COL23A1: variants seen among roughly 807,000 people sequenced by gnomAD.
The protein encoded by COL23A1 is collagen type XXIII alpha 1 chain, also known as collagen alpha-1(XXIII) chain.
In COL23A1, 97 loss-of-function variants were observed where a neutral mutation model predicts 99.3. The observed-to-expected ratio is 0.98, with a 90% CI of 0.83 to 1.16. The LOEUF (loss-of-function observed/expected upper bound fraction) is 1.16. COL23A1 is among the 50% of genes most tolerant of loss of function. COL23A1 has a pLI of 0.00. For missense variants in COL23A1, 762 were observed against 757.4 expected (o/e 1.01, Z -0.07); for synonymous variants, 320 against 308.2 (o/e 1.04, Z -0.40).
At chr5:178,252,082 T>G (rs1324051269) in intron 17 of COL23A1, among the ~76,000 whole-genome samples, 1 of 151,782 alleles carries the variant, frequency 6.6e-6, no homozygotes, top group Non-Finnish European at 1.5e-5. Context: ...CCCGGCTAAT[T>G]TTTTGTATTT....
intron 2 of COL23A1, among the ~76,000 whole-genome samples, chr5:178,381,139 C>T (rs1354946183): frequency 6.6e-6 from 1 of 152,332 alleles, no homozygotes; most frequent in South Asian, 2.1e-4. Context: ...CACTCCCTGC[C>T]CCTCACTCAT....
chr5:178,560,784 G>A (rs1394717351), intron 1 of COL23A1, 36 bp from the exon 2 acceptor site: 2 of 1,578,664 alleles, frequency 1.3e-6, no homozygotes, highest in African/African-American at 1.4e-5. Context: ...AAAACGAGGA[G>A]AGAATGAGTT....
chr5:178,394,974 G>A (rs561112852), intron 2 of COL23A1, among the ~76,000 whole-genome samples: 31 of 14,180 alleles, frequency 2.2e-3, no homozygotes, highest in Middle Eastern at 0.031. Context: ...GCTTGGTTCC[G>A]GCCCCGGCCG....
rs541833152 is a variant in COL23A1, at chr5:178,486,256, G to A, written c.361+74426C>T. Among the ~76,000 whole-genome samples, 162 of 152,310 alleles carry A rather than the reference G, an allele frequency of 1.1e-3. 1 individual carries two copies. Among genetic ancestry groups the A allele is most frequent in the African/African-American group, 3.7e-3 (154 of 41,560 alleles). The stretch of plus-strand genomic sequence containing the variant: ...ATTCAGGCAGCTGCAGAATGAGGAC[G>A]GTTGTCAGTGGGTGACGTGTTCAAG... On this transcript the variant is annotated intron_variant, in intron 2 of 28. Transcript: ENST00000390654.
At chr5:178,299,985 C>A (rs1757944205) in intron 3 of COL23A1, among the ~76,000 whole-genome samples, 1 of 152,052 alleles carries the variant, frequency 6.6e-6, no homozygotes, top group African/African-American at 2.4e-5. Context: ...AACTCCTGAC[C>A]TCAGATGATC....
intron 2 of COL23A1, among the ~76,000 whole-genome samples, chr5:178,448,182 G>A (rs1021316843): frequency 2.3e-4 from 28 of 123,970 alleles, no homozygotes; most frequent in African/African-American, 6.6e-4. Flanking sequence ...AGTCCGTTTT[G>A]TTCTGTTAGT....
At chr5:178,581,481 G>A (rs1243763458) in intron 1 of COL23A1, among the ~76,000 whole-genome samples, 4 of 151,270 alleles carry the variant, frequency 2.6e-5, no homozygotes, top group South Asian at 2.1e-4. Flanking sequence ...CAGGAGAATC[G>A]CTTGAACCCG....
At chr5:178,241,329 A>T (rs996134110) in intron 27 of COL23A1, among the ~76,000 whole-genome samples, 3 of 152,086 alleles carry the variant, frequency 2.0e-5, no homozygotes, top group African/African-American at 4.8e-5. Flanking sequence ...GAGCACAGAA[A>T]GAGGTACAGG....
At chr5:178,581,730 A>G (rs117428957) in intron 1 of COL23A1, among the ~76,000 whole-genome samples, 1 of 152,268 alleles carries the variant, frequency 6.6e-6, no homozygotes, top group East Asian at 1.9e-4. Context: ...GGTGTATGCC[A>G]CGTTGATAGT....
chr5:178,524,397 A>G (rs890033856), intron 2 of COL23A1, among the ~76,000 whole-genome samples: 4 of 152,324 alleles, frequency 2.6e-5, no homozygotes, highest in Admixed American at 6.5e-5. Context: ...ACTGGGTCAC[A>G]TGGGTATCAG....
chr5:178,455,611 C>G (rs1484545853), intron 2 of COL23A1, among the ~76,000 whole-genome samples: 2 of 152,252 alleles, frequency 1.3e-5, no homozygotes, highest in Non-Finnish European at 2.9e-5. Context: ...TCAGCCTCCA[C>G]ATCCAGGCAT....
In COL23A1 at chr5:178,384,399, G is replaced by A. The variant is rs928970951; in HGVS notation, c.362-77480C>T. Among the ~76,000 whole-genome samples the A allele has an allele frequency of 2.6e-5, 4 of 152,228 alleles. No homozygotes were observed. The highest frequency in any genetic ancestry group is 6.5e-5 in the Admixed American group (1 of 15,288). On this transcript the variant is annotated intron_variant, in intron 2 of 28. Coordinates refer to ENST00000390654, the MANE Select transcript of COL23A1 (RefSeq NM_173465.4). This position sits in a 1 kb window ranked among gnomAD's most constrained non-coding sequence, Gnocchi z 5.5. ...ATGAGGTGAAGCCTCAGGAAAGCCC[G>A]GGGCTGTTCATCCGGGTAGTAAACC...
intron 2 of COL23A1, among the ~76,000 whole-genome samples, chr5:178,493,782 C>T (rs1758057952): frequency 6.6e-6 from 1 of 152,238 alleles, no homozygotes; most frequent in Admixed American, 6.5e-5. Flanking sequence ...GCTGCCGAAC[C>T]CCTCGGGGAC....
rs563273410 is a variant in COL23A1, at chr5:178,290,486, A to G, written c.407-117T>C. The G allele has an allele frequency of 1.4e-4, 188 of 1,328,110 alleles. 4 individuals carry two copies. In the South Asian group the frequency reaches 2.2e-3, roughly 15 times the overall value. The allele number at this position is 1,328,110 out of a possible 1,614,324, so 82.3% of individuals were successfully genotyped here. On this transcript the variant is annotated intron_variant, in intron 3 of 28. Coordinates refer to ENST00000390654, the MANE Select transcript of COL23A1 (RefSeq NM_173465.4). ...CGGCTCCTGGCCACCTCTCCCCGGA[A>G]GGCTTTGATGCTGCCATGGCTGTTT...
Position 178,344,392 on chromosome 5 carries a change from C to T in COL23A1, c.362-37473G>A, listed in dbSNP as rs190056842. On this transcript the variant is annotated intron_variant, in intron 2 of 28. Coordinates refer to ENST00000390654, the MANE Select transcript of COL23A1 (RefSeq NM_173465.4). Reference sequence around the variant, plus strand: ...TGGCTCACGCCTGTAATCCCAGCACCTTGGGAGACCAAGGTGGGTGGATCA... The same window carrying T: ...TGGCTCACGCCTGTAATCCCAGCACTTTGGGAGACCAAGGTGGGTGGATCA... Among the ~76,000 whole-genome samples the T allele has an allele frequency of 9.2e-3, 1,397 of 152,102 alleles. 21 individuals carry two copies. The highest frequency in any genetic ancestry group is 0.031 in the African/African-American group (1,289 of 41,524).
chr5:178,338,589 C>A (rs921052299), intron 2 of COL23A1, among the ~76,000 whole-genome samples: 5 of 119,282 alleles, frequency 4.2e-5, no homozygotes, highest in Non-Finnish European at 9.4e-5. Flanking sequence ...GGGTCACTGG[C>A]CAGCACCGGG....
chr5:178,315,755 GCACT>G (rs1427324451), intron 2 of COL23A1, among the ~76,000 whole-genome samples: 1 of 140,236 alleles, frequency 7.1e-6, no homozygotes, highest in Non-Finnish European at 1.5e-5. Context: ...TCTAGTAGAA[GCACT>G]GACTTTTTTT....
At chr5:178,505,294 G>A (rs1758800466) in intron 2 of COL23A1, among the ~76,000 whole-genome samples, 1 of 151,248 alleles carries the variant, frequency 6.6e-6, no homozygotes, top group African/African-American at 2.4e-5. Flanking sequence ...CTGTCATCCA[G>A]GCTAGAGTGC....
intron 2 of COL23A1, among the ~76,000 whole-genome samples, chr5:178,479,087 C>T (rs533227575): frequency 6.8e-6 from 1 of 146,606 alleles, no homozygotes; most frequent in Non-Finnish European, 1.5e-5. Context: ...CATCAGGACA[C>T]AAGGATCACC....
Sources: allele counts gnomAD v4.1 joint callset (sites outside exome capture counted in the v4.1 genomes callset), GRCh38; gene constraint gnomAD v4.1.1; non-coding constraint Gnocchi (gnomAD v3.1); transcripts MANE v1.5; gene names NCBI Gene and HGNC (gene_info 2026-07-23, HGNC 2026-07-21).